ARFGEF3: variants seen among roughly 807,000 people sequenced by gnomAD.
ARFGEF3 encodes the protein ARFGEF family member 3, also known as brefeldin A-inhibited guanine nucleotide-exchange protein 3.
ARFGEF3 carries 96 observed loss-of-function variants against 221.7 expected under a neutral mutation model. The observed-to-expected ratio is 0.43, with a 90% confidence interval of 0.37 to 0.51. ARFGEF3 has a LOEUF of 0.51. Ranked by LOEUF, ARFGEF3 falls within the 20% of genes least tolerant of loss-of-function variation. ARFGEF3 has a pLI of 0.00. For missense variants in ARFGEF3, 2,410 were observed against 2,789.9 expected (o/e 0.86, Z 3.07); for synonymous variants, 1,145 against 1,126.8 (o/e 1.02, Z -0.32).
chr6:138,177,373 C>T (rs1203683450), intron 2 of ARFGEF3, among the ~76,000 whole-genome samples: 3 of 152,178 alleles, frequency 2.0e-5, no homozygotes, highest in Non-Finnish European at 4.4e-5. Flanking sequence ...CCTGCCTCAG[C>T]TTCCCAAAAT....
intron 8 of ARFGEF3, among the ~76,000 whole-genome samples, chr6:138,251,162 TG>T (rs1378292829): frequency 2.0e-5 from 3 of 152,190 alleles, no homozygotes; most frequent in East Asian, 3.9e-4. Context: ...TCTGATAACC[TG>T]GGGGTTGAAG....
chr6:138,296,877 G>A lies in ARFGEF3; in HGVS notation c.3570G>A (p.Leu1190=). Residue 1190 remains leucine (L), a synonymous_variant, in exon 21 of 34, where the codon CTG becomes CTA. Transcript: ENST00000251691. ...LHLFRLGNAM[L]RIVRSKARPL... ...TGTTCCGCCTGGGGAATGCCATGCTGAGGATTGTGCGGAGCAAAGCACGGC... is the reference window on the plus strand; with the variant it reads ...TGTTCCGCCTGGGGAATGCCATGCTAAGGATTGTGCGGAGCAAAGCACGGC... 6.2e-7 allele frequency: 1 copy of A among 1,614,036 alleles called. No homozygotes were observed. Among genetic ancestry groups the A allele is most frequent in the Non-Finnish European group, 8.5e-7 (1 of 1,179,898 alleles).
Position 138,218,085 on chromosome 6 carries a change from G to C in ARFGEF3, c.351+8044G>C, listed in dbSNP as rs769212680. On this transcript the variant is annotated intron_variant, in intron 4 of 33. Transcript: ENST00000251691. ...CTGCAAAGTCAATGTGAATAATATG[G>C]CTTCTGAAGATAATGAGGAACATTT... 2.0e-5 allele frequency: 32 copies of C among 1,613,794 alleles called. No homozygotes were observed. The Admixed American group carries it at 2.3e-4, about 12-fold the overall frequency.
intron 6 of ARFGEF3, among the ~76,000 whole-genome samples, chr6:138,241,303 G>C (rs1778390224): frequency 6.6e-6 from 1 of 152,136 alleles, no homozygotes; most frequent in South Asian, 2.1e-4. Flanking sequence ...TCACTCCTCT[G>C]TCTACCCAGA....
chr6:138,334,849 G>A lies in ARFGEF3; in HGVS notation c.6003G>A (p.Arg2001=), dbSNP rs35242681. The change falls in exon 33 of 34, where the codon CGG becomes CGA. Residue 2001 remains arginine, a synonymous_variant. Coordinates refer to ENST00000251691, the MANE Select transcript of ARFGEF3 (RefSeq NM_020340.5). This position sits in a 1 kb window ranked among gnomAD's most constrained non-coding sequence, Gnocchi z 5.1. ...SPKVEKKDPS[R]KKEWWENAGN... ...AAGTGGAGAAGAAGGATCCCAGCCG[G>A]AAGAAGGAGTGGTGGGAGAATGCGG... The A allele has an allele frequency of 2.9e-4, 462 of 1,596,756 alleles. 3 individuals carry two copies. The African/African-American group carries it at 5.7e-3, about 20-fold the overall frequency.
chr6:138,276,157 G>T (rs984857145), intron 12 of ARFGEF3, among the ~76,000 whole-genome samples: 2 of 152,096 alleles, frequency 1.3e-5, no homozygotes, highest in Non-Finnish European at 2.9e-5. Flanking sequence ...GGCTTTGGAG[G>T]GTAAGAGGAG....
intron 6 of ARFGEF3, among the ~76,000 whole-genome samples, chr6:138,242,705 C>T (rs982446797): frequency 1.3e-5 from 2 of 152,138 alleles, no homozygotes; most frequent in African/African-American, 4.8e-5. Flanking sequence ...CCAGAGTGTC[C>T]ACACAAACGT....
At chr6:138,213,329 G>A (rs1199624928) in intron 4 of ARFGEF3, among the ~76,000 whole-genome samples, 1 of 151,262 alleles carries the variant, frequency 6.6e-6, no homozygotes, top group African/African-American at 2.4e-5. Context: ...TTGGTGGTGT[G>A]AGCCTGTAGT....
chr6:138,166,909 C>A (rs1283869697), intron 1 of ARFGEF3, among the ~76,000 whole-genome samples: 1 of 152,210 alleles, frequency 6.6e-6, no homozygotes, highest in Non-Finnish European at 1.5e-5. Context: ...CAGGTGATTA[C>A]TTCACAGCCA....
intron 22 of ARFGEF3, among the ~76,000 whole-genome samples, chr6:138,301,695 A>G (rs1218477004): frequency 6.6e-6 from 1 of 152,182 alleles, no homozygotes; most frequent in Non-Finnish European, 1.5e-5. Context: ...GATTGTAAAG[A>G]TCTCATCAGA....
At position 138,285,992 on chromosome 6, in the gene ARFGEF3, C is replaced by T. The variant is rs1562379504; in HGVS notation, c.2508C>T (p.Ala836=). 5 of 1,611,354 alleles carry T rather than the reference C, an allele frequency of 3.1e-6. No homozygotes were observed. The highest frequency in any genetic ancestry group is 3.4e-6 in the Non-Finnish European group (4 of 1,179,724). The change falls in exon 15 of 34, where the codon GCC becomes GCT. Residue 836 remains alanine, a synonymous_variant. Coordinates refer to ENST00000251691, the MANE Select transcript of ARFGEF3 (RefSeq NM_020340.5). ...ESSAIGGQLM[A]SAATESPFAQ... is the part of the protein sequence containing the mutation. ...GTGCCATTGGTGGCCAGCTGATGGC[C>T]TCGGCTGCTACAGAGTCTCCTTTCG...
intron 2 of ARFGEF3, among the ~76,000 whole-genome samples, chr6:138,192,733 C>T (rs9484127): frequency 0.035 from 5,386 of 152,270 alleles, 298 homozygotes; most frequent in African/African-American, 0.12. Flanking sequence ...TGGCCCTGGG[C>T]AGTCAGGACT....
At chr6:138,312,884 A>G (rs1428749901) in intron 25 of ARFGEF3, among the ~76,000 whole-genome samples, 3 of 151,950 alleles carry the variant, frequency 2.0e-5, no homozygotes, top group East Asian at 3.9e-4. Flanking sequence ...TAATTTTTGT[A>G]TTTTTAGTAG....
chr6:138,335,163 T>A lies in ARFGEF3; in HGVS notation c.6317T>A (p.Val2106Glu). ...GSTGSSLSVS[V>E]RDAEAQIQAW... ...ACCGGGAGCTCCCTCAGTGTCTCGG[T>A]GAGAGACGCAGAAGCACAGATCCAG... The change falls in exon 33 of 34, where the codon GTG becomes GAG. Residue 2106 changes from valine (V) to glutamate (E), a missense_variant. Val to Glu is a moderately radical substitution (Grantham distance 121). This residue lies in a region of ARFGEF3 where 339 missense variants were observed against 334.9 expected (regional missense o/e 1.01). Transcript: ENST00000251691. 6.4e-7 allele frequency: 1 copy of A among 1,561,464 alleles called. No homozygotes were observed. The highest frequency in any genetic ancestry group is 8.6e-7 in the Non-Finnish European group (1 of 1,160,796).
At chr6:138,325,214 C>G (rs1261482185) in intron 31 of ARFGEF3, among the ~76,000 whole-genome samples, 1 of 152,072 alleles carries the variant, frequency 6.6e-6, no homozygotes, top group East Asian at 1.9e-4. Flanking sequence ...AAGGGAAGGC[C>G]CCTTTTCTCT....
At position 138,287,063 on chromosome 6, in the gene ARFGEF3, C is replaced by A; in HGVS notation, c.2786-11C>A. 6.4e-7 allele frequency: 1 copy of A among 1,564,536 alleles called. No homozygotes were observed. Among genetic ancestry groups the A allele is most frequent in the South Asian group, 1.2e-5 (1 of 85,398 alleles). Reference sequence around the variant, plus strand: ...ACTCAGTCAAGAAGTCATTGTGTGTCTCCTCTGAAGGCGTTGCTGCTAACT... The same window carrying A: ...ACTCAGTCAAGAAGTCATTGTGTGTATCCTCTGAAGGCGTTGCTGCTAACT... On this transcript the variant is annotated splice_polypyrimidine_tract_variant and intron_variant, in intron 16 of 33. Coordinates refer to ENST00000251691, the MANE Select transcript of ARFGEF3 (RefSeq NM_020340.5).
intron 8 of ARFGEF3, among the ~76,000 whole-genome samples, chr6:138,246,708 G>A (rs1296989461): frequency 2.6e-5 from 4 of 152,160 alleles, no homozygotes; most frequent in Non-Finnish European, 4.4e-5. Context: ...GAGAGGAAAC[G>A]GGGAGATATA....
chr6:138,323,962 A>G (rs925973079), intron 30 of ARFGEF3, 61 bp from the exon 31 acceptor site: 2 of 1,592,416 alleles, frequency 1.3e-6, no homozygotes, highest in Non-Finnish European at 1.7e-6. Context: ...TCTCAGATCC[A>G]AGACTGAGCC....
intron 22 of ARFGEF3, 85 bp downstream of exon 22, chr6:138,298,870 C>T (rs1406917882): frequency 2.2e-5 from 22 of 991,686 alleles, no homozygotes; most frequent in African/African-American, 3.2e-5. Context: ...CGCACACTTA[C>T]TCTTTCCAAT....
Sources: gnomAD v4.1 joint callset for allele counts (sites outside exome capture counted in the v4.1 genomes callset) on GRCh38, gnomAD v4.1.1 for gene constraint, gnomAD v4.1.1 regional missense constraint, Gnocchi (gnomAD v3.1) non-coding constraint, MANE v1.5 for transcripts, NCBI Gene and HGNC (gene_info 2026-07-23, HGNC 2026-07-21) for gene names.